Variants in SEC24B observed in about 807,000 individuals in gnomAD.
SEC24B encodes protein transport protein Sec24B.
A neutral mutation model predicts 142.8 loss-of-function variants in SEC24B; 45 were observed. The observed-to-expected ratio is 0.32, with a 90% confidence interval of 0.25 to 0.40. The LOEUF (loss-of-function observed/expected upper bound fraction) is 0.40. SEC24B is among the 10% of genes least tolerant of loss of function. SEC24B has a pLI of 1.00. For missense variants in SEC24B, 1,409 were observed against 1,526.8 expected (o/e 0.92, Z 1.29); for synonymous variants, 574 against 568.2 (o/e 1.01, Z -0.15).
intron 1 of SEC24B, among the ~76,000 whole-genome samples, chr4:109,439,094 A>C (rs1050316048): frequency 1.3e-5 from 2 of 152,234 alleles, no homozygotes; most frequent in African/African-American, 4.8e-5. Flanking sequence ...ATGAAAGTAT[A>C]TTTTAATCCT....
chr4:109,480,309 G>A (rs910165619), intron 3 of SEC24B, among the ~76,000 whole-genome samples: 11 of 151,544 alleles, frequency 7.3e-5, no homozygotes, highest in South Asian at 2.1e-4. Context: ...AAGCACTATC[G>A]TGTGATTTTG....
chr4:109,477,494 T>A (rs186918068), intron 3 of SEC24B, among the ~76,000 whole-genome samples: 4 of 151,964 alleles, frequency 2.6e-5, no homozygotes, highest in East Asian at 1.9e-4. Flanking sequence ...ACTAATTTTT[T>A]AAAAAATTAT....
At chr4:109,465,090 A>G (rs1024809901) in intron 2 of SEC24B, among the ~76,000 whole-genome samples, 5 of 152,222 alleles carry the variant, frequency 3.3e-5, no homozygotes, top group Non-Finnish European at 7.3e-5. Context: ...TTCATTTTAC[A>G]GATCATTTGC....
chr4:109,532,773 A>G (rs1410888357), intron 21 of SEC24B, 30 bp downstream of exon 21: 6 of 1,144,746 alleles, frequency 5.2e-6, no homozygotes, highest in Non-Finnish European at 8.0e-6. Context: ...AAAGCTTAAC[A>G]CTGTTTGAGC....
At chr4:109,453,021 A>C (rs541169353) in intron 1 of SEC24B, among the ~76,000 whole-genome samples, 2 of 152,204 alleles carry the variant, frequency 1.3e-5, no homozygotes, top group Non-Finnish European at 2.9e-5. Context: ...GAAATTTTAA[A>C]GCTGGGTATC....
At chr4:109,483,979 T>C (rs1431134195) in intron 4 of SEC24B, among the ~76,000 whole-genome samples, 1 of 152,250 alleles carries the variant, frequency 6.6e-6, no homozygotes, top group Admixed American at 6.5e-5. Flanking sequence ...ACTTTATGTT[T>C]CCTAATCATA....
At chr4:109,526,823 GTTTAATTTTCT>G (rs760374364) in intron 17 of SEC24B, among the ~76,000 whole-genome samples, 3 of 152,186 alleles carry the variant, frequency 2.0e-5, no homozygotes, top group Non-Finnish European at 4.4e-5. Flanking sequence ...TTTGGAGAGT[GTTTAATTTTCT>G]TTTAAAAATG....
intron 1 of SEC24B, 65 bp downstream of exon 1, chr4:109,434,067 T>G (rs1728129677): frequency 2.0e-6 from 2 of 992,958 alleles, no homozygotes; most frequent in Admixed American, 5.8e-5. Context: ...CACGGCCACA[T>G]CGGGGCGGGG....
chr4:109,526,113 C>G (rs1724192968), intron 16 of SEC24B, 113 bp from the exon 17 acceptor site: 5 of 991,860 alleles, frequency 5.0e-6, no homozygotes, highest in Non-Finnish European at 1.5e-6. Flanking sequence ...CCTTGACTCC[C>G]CAGTTATCCT....
intron 1 of SEC24B, among the ~76,000 whole-genome samples, chr4:109,457,120 TC>T (rs1292272781): frequency 6.6e-6 from 1 of 152,214 alleles, no homozygotes; most frequent in Non-Finnish European, 1.5e-5. Context: ...TCATGGATTT[TC>T]CCCAAAGAGT....
intron 14 of SEC24B, among the ~76,000 whole-genome samples, chr4:109,522,898 T>G (rs2126075851): frequency 6.6e-6 from 1 of 152,312 alleles, no homozygotes; most frequent in East Asian, 1.9e-4. Context: ...AGTATTTTTT[T>G]CTTTTGTTTT....
At chr4:109,519,678 T>C (rs1038217580) in intron 11 of SEC24B, among the ~76,000 whole-genome samples, 2 of 152,222 alleles carry the variant, frequency 1.3e-5, no homozygotes, top group Admixed American at 6.5e-5. Context: ...CCACATAACT[T>C]GTAGCTTTCT....
intron 3 of SEC24B, among the ~76,000 whole-genome samples, chr4:109,477,140 T>TAAAA (rs759331468): frequency 2.3e-3 from 127 of 55,874 alleles, no homozygotes; most frequent in East Asian, 4.6e-3. Context: ...CCGTCTCAAA[T>TAAAA]AAAAAAAAAA....
intron 1 of SEC24B, among the ~76,000 whole-genome samples, chr4:109,456,637 G>T (rs1265137661): frequency 6.6e-6 from 1 of 152,054 alleles, no homozygotes; most frequent in African/African-American, 2.4e-5. Flanking sequence ...TGCATTTTCT[G>T]TATCTATTGA....
In SEC24B at chr4:109,463,622, G is replaced by A. The variant is rs374995428; in HGVS notation, c.855G>A (p.Ala285=). Residue 285 remains alanine, a synonymous_variant, in exon 2 of 24, where the codon GCG becomes GCA. Transcript: ENST00000265175. ...IRNHTGSLAV[A]NNNPTITVAD... ...ACCACACAGGATCCCTGGCTGTAGC[G>A]AACAACAACCCAACCATTACTGGTA... is the stretch of plus-strand genomic sequence containing the variant. The A allele has an allele frequency of 1.8e-5, 29 of 1,613,112 alleles. No individual in the cohort carries two copies. The highest frequency in any genetic ancestry group is 2.7e-5 in the African/African-American group (2 of 74,874).
chr4:109,489,486 T>TTTTTTTTTTTTTTTTTTTTTTTTTTGAG (rs1734755939), intron 4 of SEC24B, among the ~76,000 whole-genome samples: 1 of 151,350 alleles, frequency 6.6e-6, no homozygotes, highest in African/African-American at 2.4e-5. Context: ...CACTTCTATT[T>TTTTTTTTTTTTTTTTTTTTTTTTTTGAG]AGCTCTATCT....
chr4:109,461,298 G>T (rs578000719), intron 1 of SEC24B, among the ~76,000 whole-genome samples: 1 of 152,298 alleles, frequency 6.6e-6, no homozygotes, highest in Non-Finnish European at 1.5e-5. Context: ...TAAATTGATA[G>T]ACCTTTTAAG....
In SEC24B at chr4:109,525,550, A is replaced by G. The variant is rs77393582; in HGVS notation, c.2791+46A>G. On this transcript the variant is annotated intron_variant, in intron 16 of 23. Transcript: ENST00000265175. ...TATTTTATATTAAATACTTGTATCA[A>G]AGTCAGTGAGCATTCCATGTATTGA... is the stretch of plus-strand genomic sequence containing the variant. 733 of 1,369,278 alleles carry G rather than the reference A, an allele frequency of 5.4e-4. 5 individuals carry two copies. The African/African-American group carries it at 8.3e-3, about 15-fold the overall frequency. 84.8% of individuals were successfully genotyped at this position (1,369,278 alleles called of 1,614,324 possible).
At chr4:109,474,626 T>C (rs1732903758) in intron 3 of SEC24B, among the ~76,000 whole-genome samples, 1 of 152,122 alleles carries the variant, frequency 6.6e-6, no homozygotes, top group African/African-American at 2.4e-5. Flanking sequence ...GGTTTTACCA[T>C]GTTGACCAAT....
Sources: allele counts gnomAD v4.1 joint callset (sites outside exome capture counted in the v4.1 genomes callset), GRCh38; gene constraint gnomAD v4.1.1; transcripts MANE v1.5; gene names NCBI Gene and HGNC (gene_info 2026-07-23, HGNC 2026-07-21).